GABRG3: variants seen among roughly 807,000 people sequenced by gnomAD.
GABRG3 encodes gamma-aminobutyric acid type A receptor subunit gamma3.
In GABRG3, 25 loss-of-function variants were observed where a neutral mutation model predicts 48.8. That is an observed-to-expected ratio of 0.51 (90% CI 0.37 to 0.72). GABRG3 has a LOEUF of 0.72. Ranked by LOEUF, GABRG3 falls within the 30% of genes least tolerant of loss-of-function variation. GABRG3 has a pLI of 0.00. For synonymous variants in GABRG3, 227 were observed against 217.6 expected (o/e 1.04, Z -0.38); for missense variants, 394 against 577.9 (o/e 0.68, Z 3.26).
intron 3 of GABRG3, among the ~76,000 whole-genome samples, chr15:27,073,810 C>G (rs756568539): frequency 6.6e-6 from 1 of 152,246 alleles, no homozygotes; most frequent in Non-Finnish European, 1.5e-5. Context: ...GGCTGGGTTT[C>G]CATCTGAAGG....
At chr15:26,995,485 C>CT (rs1302890214) in intron 2 of GABRG3, among the ~76,000 whole-genome samples, 2 of 149,752 alleles carry the variant, frequency 1.3e-5, no homozygotes, top group Non-Finnish European at 1.5e-5. Flanking sequence ...TGATGTTTTG[C>CT]TTTTTTTTCT....
chr15:27,238,338 C>G (rs1220803545), intron 3 of GABRG3, among the ~76,000 whole-genome samples: 2 of 152,198 alleles, frequency 1.3e-5, no homozygotes, highest in Non-Finnish European at 2.9e-5. Context: ...GCAAACTTGC[C>G]CAGCAGCCTG....
At chr15:27,011,003 G>A (rs1009873409) in intron 2 of GABRG3, among the ~76,000 whole-genome samples, 3 of 152,068 alleles carry the variant, frequency 2.0e-5, no homozygotes, top group African/African-American at 7.2e-5. Context: ...ACACCACCAT[G>A]CCCAAGCTAA....
intron 2 of GABRG3, among the ~76,000 whole-genome samples, chr15:27,009,233 C>T (rs1344423803): frequency 2.0e-5 from 3 of 152,128 alleles, no homozygotes; most frequent in Non-Finnish European, 4.4e-5. Context: ...GATAGCAAAC[C>T]GTGTAGAACA....
At position 27,046,114 on chromosome 15, in the gene GABRG3, A is replaced by T. The variant is rs58396235; in HGVS notation, c.270+19293A>T. On this transcript the variant is annotated intron_variant, in intron 3 of 9. Transcript: ENST00000615808. ...TTTTTTTCTTTTTTATTTTTTTGAG[A>T]TGGAGTTTCACTCTTGTTGCCGAGG... Among the ~76,000 whole-genome samples, 1,170 of 151,822 alleles carry T rather than the reference A, an allele frequency of 7.7e-3. 35 individuals are homozygous for T. The East Asian group carries it at 0.092, about 12-fold the overall frequency.
chr15:27,515,478 A>C (rs1386740697), intron 6 of GABRG3, among the ~76,000 whole-genome samples: 1 of 152,170 alleles, frequency 6.6e-6, no homozygotes, highest in Non-Finnish European at 1.5e-5. Context: ...GATGGAGAAC[A>C]TTAGGCTTTT....
intron 5 of GABRG3, among the ~76,000 whole-genome samples, chr15:27,337,709 A>T (rs1894022028): frequency 6.6e-6 from 1 of 152,052 alleles, no homozygotes; most frequent in Admixed American, 6.6e-5. Context: ...GTCTTTCTTT[A>T]TACATGCTCT....
chr15:27,060,808 G>C (rs1003675537), intron 3 of GABRG3, among the ~76,000 whole-genome samples: 3 of 152,178 alleles, frequency 2.0e-5, no homozygotes, highest in African/African-American at 7.2e-5. Flanking sequence ...CCTCCATAAA[G>C]GGAATGATGG....
At chr15:27,147,269 T>C (rs1195235264) in intron 3 of GABRG3, among the ~76,000 whole-genome samples, 1 of 151,952 alleles carries the variant, frequency 6.6e-6, no homozygotes, top group Non-Finnish European at 1.5e-5. Context: ...ATAATAAATA[T>C]AAACATATAA....
rs562005987 is a variant in GABRG3, at chr15:27,036,506, A to G, written c.270+9685A>G. ...GGAGTTGGAGACCAGCCTGACCAAC[A>G]TGGTGAAATACCGTCTCTACTAGAA... On this transcript the variant is annotated intron_variant, in intron 3 of 9. Coordinates refer to ENST00000615808, the MANE Select transcript of GABRG3 (RefSeq NM_033223.5). 2.0e-5 allele frequency among the ~76,000 whole-genome samples: 3 copies of G among 152,314 alleles called. No homozygotes were observed. In the South Asian group the frequency reaches 6.2e-4, roughly 32 times the overall value.
intron 3 of GABRG3, among the ~76,000 whole-genome samples, chr15:27,307,981 T>G (rs747338415): frequency 5.8e-5 from 8 of 136,882 alleles, no homozygotes; most frequent in Non-Finnish European, 1.1e-4. Context: ...TAAACATATA[T>G]AAAATAAACA....
At chr15:27,491,320 TA>T (rs1466474364) in intron 6 of GABRG3, among the ~76,000 whole-genome samples, 1 of 152,144 alleles carries the variant, frequency 6.6e-6, no homozygotes, top group Non-Finnish European at 1.5e-5. Flanking sequence ...GAAAAATTCA[TA>T]ATTAGAGAAG....
rs768770123 is a variant in GABRG3 at position 27,388,304 on chromosome 15, GAA to G, written c.574+59418_574+59419del. Among the ~76,000 whole-genome samples the G allele has an allele frequency of 2.6e-4, 10 of 38,916 alleles. 1 individual carries two copies. The highest frequency in any genetic ancestry group is 6.8e-4 in the African/African-American group (6 of 8,864). 25.5% of individuals were successfully genotyped at this position (38,916 alleles called of 152,430 possible). A position where few individuals can be genotyped will look rare whatever the true frequency, so the allele number is the denominator to read the frequency against. On this transcript the variant is annotated intron_variant, in intron 5 of 9. Transcript: ENST00000615808. ...GGAAGGAAGGAAGAAAAGAAGGAAG[GAA>G]AGGGAGGGAGGGAAAAGAAGGAAGG...
chr15:27,507,036 T>C (rs1018608861), intron 6 of GABRG3, among the ~76,000 whole-genome samples: 1 of 152,196 alleles, frequency 6.6e-6, no homozygotes. Flanking sequence ...AATTTTCAGT[T>C]CAAAATATTT....
At chr15:27,472,519 G>GC (rs1341189863) in intron 5 of GABRG3, among the ~76,000 whole-genome samples, 2 of 152,042 alleles carry the variant, frequency 1.3e-5, no homozygotes, top group African/African-American at 4.8e-5. Flanking sequence ...CAAATGACCT[G>GC]CCCACCTTGG....
intron 5 of GABRG3, among the ~76,000 whole-genome samples, chr15:27,399,169 T>C (rs1887407808): frequency 6.6e-6 from 1 of 152,200 alleles, no homozygotes; most frequent in Non-Finnish European, 1.5e-5. Context: ...TTACCTAAAA[T>C]TATAGTAAGT....
intron 2 of GABRG3, among the ~76,000 whole-genome samples, chr15:26,994,999 G>A (rs1204426984): frequency 4.6e-5 from 7 of 152,078 alleles, no homozygotes; most frequent in South Asian, 4.2e-4. Flanking sequence ...TGTTAAATCC[G>A]TTTTCTTGTT....
chr15:27,159,205 G>A (rs1282265735), intron 3 of GABRG3, among the ~76,000 whole-genome samples: 3 of 152,064 alleles, frequency 2.0e-5, no homozygotes, highest in Non-Finnish European at 4.4e-5. Flanking sequence ...ATACAGGCCG[G>A]GCATGGTGGT....
At chr15:27,062,445 A>AAAAAAAAAAAAAAT in intron 3 of GABRG3, among the ~76,000 whole-genome samples, 1 of 133,936 alleles carries the variant, frequency 7.5e-6, no homozygotes, top group Non-Finnish European at 1.7e-5. Flanking sequence ...AAAAAAAAAA[A>AAAAAAAAAAAAAAT]AAAAAAAAAA....
Sources: gnomAD v4.1 joint callset for allele counts (sites outside exome capture counted in the v4.1 genomes callset) on GRCh38, gnomAD v4.1.1 for gene constraint, MANE v1.5 for transcripts, NCBI Gene and HGNC (gene_info 2026-07-23, HGNC 2026-07-21) for gene names.